The following CDH13 variants were observed in gnomAD, a reference collection of about 807,000 sequenced individuals.
CDH13 encodes the protein cadherin-13.
A neutral mutation model predicts 63.8 loss-of-function variants in CDH13; 24 were observed. The observed-to-expected ratio is 0.38, with a 90% CI of 0.27 to 0.53. The LOEUF (loss-of-function observed/expected upper bound fraction) is 0.53, where lower values mean the gene tolerates loss of function less well. Among genes scored for constraint, CDH13 ranks in the 20% least tolerant of loss-of-function variants. CDH13 has a pLI of 0.85. For synonymous variants in CDH13, 503 were observed against 355.3 expected, an observed-to-expected ratio of 1.42 and a Z score of -4.67; for missense variants, 1,049 against 903.1, an observed-to-expected ratio of 1.16 and a Z score of -2.07.
At chr16:83,303,952 G>A (rs893056492) in intron 5 of CDH13, among the ~76,000 whole-genome samples, 4 of 152,160 alleles carry the variant, frequency 2.6e-5, no homozygotes, top group Non-Finnish European at 4.4e-5. Context: ...GGGGATCTCA[G>A]ACTTTGCCTA....
At chr16:82,662,581 T>G (rs1457296640) in intron 1 of CDH13, among the ~76,000 whole-genome samples, 2 of 152,214 alleles carry the variant, frequency 1.3e-5, no homozygotes, top group East Asian at 3.8e-4. Flanking sequence ...TCCCCACCAC[T>G]ATCAGGTCTT....
At chr16:82,635,299 C>CTGA in intron 1 of CDH13, among the ~76,000 whole-genome samples, 1 of 152,328 alleles carries the variant, frequency 6.6e-6, no homozygotes, top group East Asian at 1.9e-4. Context: ...CCCTGACAAC[C>CTGA]TGATGCTTCA....
intron 1 of CDH13, among the ~76,000 whole-genome samples, chr16:82,795,589 A>G (rs918439873): frequency 2.0e-5 from 3 of 152,294 alleles, no homozygotes; most frequent in African/African-American, 7.2e-5. Context: ...TACAGACTAC[A>G]AAATGAAGGT....
chr16:82,671,614 C>T (rs1278161636), intron 1 of CDH13, among the ~76,000 whole-genome samples: 1 of 152,288 alleles, frequency 6.6e-6, no homozygotes, highest in East Asian at 1.9e-4. Context: ...TTTGTGGTCA[C>T]TGAAAGAGCA....
intron 7 of CDH13, among the ~76,000 whole-genome samples, chr16:83,580,885 G>A (rs556256632): frequency 6.6e-6 from 1 of 152,280 alleles, no homozygotes; most frequent in South Asian, 2.1e-4. Context: ...AGAAAGTTGA[G>A]AACGGCCAAA....
intron 3 of CDH13, among the ~76,000 whole-genome samples, chr16:83,038,835 C>T (rs1567770890): frequency 6.6e-6 from 1 of 152,220 alleles, no homozygotes; most frequent in Non-Finnish European, 1.5e-5. Flanking sequence ...ACCATACTTA[C>T]TCTTTCTTTC....
intron 2 of CDH13, among the ~76,000 whole-genome samples, chr16:82,901,324 C>CTGTGTGTGTGTG (rs61370328): frequency 1.1e-3 from 145 of 130,464 alleles, no homozygotes; most frequent in Admixed American, 7.0e-3. Context: ...TAGTATTCTC[C>CTGTGTGTGTGTG]TGTGTGTGTG....
chr16:83,206,540 A>G (rs568823486), intron 4 of CDH13, among the ~76,000 whole-genome samples: 2 of 152,344 alleles, frequency 1.3e-5, no homozygotes, highest in African/African-American at 4.8e-5. Context: ...CCTTTTAGGA[A>G]AATGTCGAGA....
intron 1 of CDH13, among the ~76,000 whole-genome samples, chr16:82,775,738 G>T (rs755508388): frequency 1.1e-4 from 17 of 152,142 alleles, no homozygotes; most frequent in Non-Finnish European, 1.8e-4. Context: ...GAGATCAGTT[G>T]GGTAAAGCTC....
At chr16:83,702,817 G>T (rs937904042) in intron 10 of CDH13, among the ~76,000 whole-genome samples, 1 of 152,176 alleles carries the variant, frequency 6.6e-6, no homozygotes, top group Non-Finnish European at 1.5e-5. Flanking sequence ...AGAGGGTCTG[G>T]GAGAAAACTG....
At chr16:82,891,811 C>G (rs947083528) in intron 2 of CDH13, among the ~76,000 whole-genome samples, 1 of 152,196 alleles carries the variant, frequency 6.6e-6, no homozygotes, top group East Asian at 1.9e-4. Context: ...AAATACCAGG[C>G]CCTTATCATG....
At chr16:83,361,466 G>T (rs899400405) in intron 6 of CDH13, among the ~76,000 whole-genome samples, 1 of 152,026 alleles carries the variant, frequency 6.6e-6, no homozygotes, top group Non-Finnish European at 1.5e-5. Flanking sequence ...TGTTTTCCTT[G>T]TGATTGCTTT....
At chr16:82,959,313 T>A (rs375169430) in intron 2 of CDH13, among the ~76,000 whole-genome samples, 2 of 152,196 alleles carry the variant, frequency 1.3e-5, no homozygotes, top group Admixed American at 1.3e-4. Flanking sequence ...CAAACCTGCA[T>A]GGTGATTTTT....
chr16:83,338,147 G>C (rs2090639515), intron 5 of CDH13, among the ~76,000 whole-genome samples: 1 of 144,582 alleles, frequency 6.9e-6, no homozygotes, highest in Non-Finnish European at 1.5e-5. Context: ...GGCCAGACCT[G>C]TATGGGACAC....
intron 10 of CDH13, among the ~76,000 whole-genome samples, chr16:83,683,960 T>A (rs1490155931): frequency 6.6e-6 from 1 of 152,220 alleles, no homozygotes; most frequent in African/African-American, 2.4e-5. Context: ...ATGATAAGAC[T>A]TGCTTCCACT....
intron 1 of CDH13, among the ~76,000 whole-genome samples, chr16:82,812,480 G>T (rs1179569882): frequency 6.6e-6 from 1 of 152,078 alleles, no homozygotes. Flanking sequence ...TAGGAGAAAA[G>T]CCAGGTGAGG....
chr16:83,234,864 C>T (rs926640354), intron 5 of CDH13, among the ~76,000 whole-genome samples: 1 of 152,114 alleles, frequency 6.6e-6, no homozygotes, highest in Non-Finnish European at 1.5e-5. Flanking sequence ...CCCACGTCCT[C>T]CCCTCCAGAG....
At chr16:83,689,943 T>C (rs1904681801) in intron 10 of CDH13, among the ~76,000 whole-genome samples, 1 of 152,202 alleles carries the variant, frequency 6.6e-6, no homozygotes, top group Non-Finnish European at 1.5e-5. Flanking sequence ...CCCAGCACTT[T>C]GGGAGGCCAA....
intron 1 of CDH13, among the ~76,000 whole-genome samples, chr16:82,673,759 A>G (rs1462738987): frequency 1.3e-5 from 2 of 152,214 alleles, no homozygotes; most frequent in African/African-American, 2.4e-5. Context: ...TGGGCAGAGA[A>G]TGATTGCTCC....
Sources: gnomAD v4.1 joint callset for allele counts (sites outside exome capture counted in the v4.1 genomes callset) on GRCh38, gnomAD v4.1.1 for gene constraint, MANE v1.5 for transcripts, NCBI Gene and HGNC (gene_info 2026-07-23, HGNC 2026-07-21) for gene names.